SEM1: variants seen among roughly 807,000 people sequenced by gnomAD.
SEM1 encodes the protein 26S proteasome complex subunit SEM1.
SEM1 carries 3 observed loss-of-function variants against 12.7 expected under a neutral mutation model. The ratio of observed to expected loss-of-function variants is 0.24; its 90% CI spans 0.11 to 0.61. SEM1 has a LOEUF of 0.61. Ranked by LOEUF, SEM1 falls within the 20% of genes least tolerant of loss-of-function variation. The pLI, the probability that SEM1 is intolerant of heterozygous loss-of-function variation, is 0.88. For missense variants in SEM1, 59 were observed against 81.3 expected (o/e 0.73, Z 1.06); for synonymous variants, 30 against 27.8 (o/e 1.08, Z -0.25).
chr7:96,686,364 A>C (rs1275447650), downstream of SEM1, among the ~76,000 whole-genome samples: 1 of 152,116 alleles, frequency 6.6e-6, no homozygotes, highest in Non-Finnish European at 1.5e-5. Context: ...GGATAACTAC[A>C]AATAACCCAT....
At chr7:96,485,912 A>G (rs1802735310) in intron 2 of SEM1, among the ~76,000 whole-genome samples, 1 of 152,088 alleles carries the variant, frequency 6.6e-6, no homozygotes, top group Non-Finnish European at 1.5e-5. Context: ...CACAGTGTAC[A>G]TGGATTATAA....
At chr7:96,622,340 A>G, downstream of SEM1, 1 of 453,170 alleles carries the variant, frequency 2.2e-6, no homozygotes, top group South Asian at 4.6e-5. Flanking sequence ...CAAATAAAAG[A>G]CAGGAAAAGA....
At chr7:96,519,971 C>T (rs150048662) in intron 2 of SEM1, among the ~76,000 whole-genome samples, 65 of 152,184 alleles carry the variant, frequency 4.3e-4, no homozygotes, top group African/African-American at 1.5e-3. Flanking sequence ...AAATTCGGCT[C>T]TTATCTCATG....
At chr7:96,507,876 G>A (rs919072870) in intron 2 of SEM1, among the ~76,000 whole-genome samples, 1 of 152,040 alleles carries the variant, frequency 6.6e-6, no homozygotes, top group African/African-American at 2.4e-5. Flanking sequence ...CTACCTACTT[G>A]ATAGGATGGG....
chr7:96,656,197 A>C (rs150815469), intron 2 of SEM1, among the ~76,000 whole-genome samples: 4 of 152,304 alleles, frequency 2.6e-5, no homozygotes, highest in African/African-American at 9.6e-5. Context: ...TCTGCTGTAC[A>C]CACAAGATGT....
chr7:96,529,256 C>A (rs1036370735), intron 2 of SEM1, among the ~76,000 whole-genome samples: 1 of 152,038 alleles, frequency 6.6e-6, no homozygotes. Context: ...ATTGTATAAC[C>A]TAATTTCTTA....
At chr7:96,588,376 ACACACACACACACACACACAC>A (rs1167673525) in intron 2 of SEM1, among the ~76,000 whole-genome samples, 16 of 123,978 alleles carry the variant, frequency 1.3e-4, no homozygotes, top group African/African-American at 4.3e-4. Context: ...ACACACACAC[ACACACACACACACACACACAC>A]GAGAGAGAGA....
chr7:96,550,526 A>T (rs1428726281), intron 2 of SEM1, among the ~76,000 whole-genome samples: 2 of 152,214 alleles, frequency 1.3e-5, no homozygotes, highest in Non-Finnish European at 2.9e-5. Context: ...TATTTACAGC[A>T]ATATTCTTAA....
chr7:96,510,292 T>A (rs527941209), intron 2 of SEM1, among the ~76,000 whole-genome samples: 2 of 152,290 alleles, frequency 1.3e-5, no homozygotes, highest in East Asian at 1.9e-4. Context: ...GATTTTGTCG[T>A]TGTGCAAACA....
chr7:96,619,056 T>A (rs573241356), downstream of SEM1, among the ~76,000 whole-genome samples: 3 of 152,360 alleles, frequency 2.0e-5, no homozygotes, highest in South Asian at 6.2e-4. Flanking sequence ...CTAATTAAGC[T>A]TCTTCGAAAT....
chr7:96,572,076 G>A (rs928580373), intron 2 of SEM1, among the ~76,000 whole-genome samples: 3 of 152,102 alleles, frequency 2.0e-5, no homozygotes, highest in African/African-American at 7.2e-5. Context: ...TTGCATAGAG[G>A]TGTTTATAGT....
chr7:96,645,742 A>T, intron 2 of SEM1: 1 of 398,322 alleles, frequency 2.5e-6, no homozygotes, highest in Non-Finnish European at 4.4e-6. Context: ...CTGTAACTTT[A>T]CATGACCCAT....
intron 2 of SEM1, among the ~76,000 whole-genome samples, chr7:96,692,991 A>G (rs948284995): frequency 5.3e-5 from 8 of 152,020 alleles, no homozygotes; most frequent in African/African-American, 1.4e-4. Context: ...AAGTATCAGT[A>G]TAACAGTGAA....
intron 2 of SEM1, among the ~76,000 whole-genome samples, chr7:96,645,027 T>C (rs1431892961): frequency 6.6e-6 from 1 of 152,146 alleles, no homozygotes; most frequent in South Asian, 2.1e-4. Context: ...TTTTAAGAAA[T>C]GTAATAACCA....
intron 2 of SEM1, among the ~76,000 whole-genome samples, chr7:96,581,882 G>C (rs1446433518): frequency 6.6e-6 from 1 of 152,052 alleles, no homozygotes; most frequent in Non-Finnish European, 1.5e-5. Context: ...CTGAGACAAT[G>C]GGGTTTTCTA....
At chr7:96,663,029 A>G (rs1256839127) in intron 2 of SEM1, among the ~76,000 whole-genome samples, 2 of 152,082 alleles carry the variant, frequency 1.3e-5, no homozygotes, top group African/African-American at 4.8e-5. Context: ...ATTTTATTAG[A>G]TAAAATCATG....
intron 2 of SEM1, among the ~76,000 whole-genome samples, chr7:96,623,974 G>A (rs1204985956): frequency 6.6e-6 from 1 of 152,094 alleles, no homozygotes; most frequent in African/African-American, 2.4e-5. Context: ...TTACAAGGAT[G>A]CTTATCCTTG....
At chr7:96,680,219 TTCTC>T (rs550225163) in intron 2 of SEM1, among the ~76,000 whole-genome samples, 11 of 152,068 alleles carry the variant, frequency 7.2e-5, no homozygotes, top group Non-Finnish European at 1.0e-4. Flanking sequence ...CTTTTTTAGC[TTCTC>T]TCTCTTTCCT....
intron 3 of SEM1, among the ~76,000 whole-genome samples, chr7:96,484,203 C>G (rs1802661686): frequency 6.6e-6 from 1 of 152,072 alleles, no homozygotes; most frequent in Non-Finnish European, 1.5e-5. Flanking sequence ...CAGAATAGGT[C>G]CAGAGGTTAT....
Sources: gnomAD v4.1 joint callset for allele counts (sites outside exome capture counted in the v4.1 genomes callset) on GRCh38, gnomAD v4.1.1 for gene constraint, MANE v1.5 for transcripts, NCBI Gene and HGNC (gene_info 2026-07-23, HGNC 2026-07-21) for gene names.